DAB1: variants seen among roughly 807,000 people sequenced by gnomAD.
DAB1 encodes disabled homolog 1.
In DAB1, 15 loss-of-function variants were observed where a neutral mutation model predicts 64.6. That is an observed-to-expected ratio of 0.23 (90% CI 0.16 to 0.36). DAB1 has a LOEUF of 0.36. DAB1 is among the 10% of genes least tolerant of loss of function. The pLI is 1.00. For missense variants in DAB1, 596 were observed against 706.7 expected (o/e 0.84, Z 1.78); for synonymous variants, 235 against 251.9 (o/e 0.93, Z 0.64).
At chr1:57,883,533 C>T (rs1644177365) in intron 1 of DAB1, among the ~76,000 whole-genome samples, 1 of 152,196 alleles carries the variant, frequency 6.6e-6, no homozygotes, top group African/African-American at 2.4e-5. Flanking sequence ...CTTTAATCTT[C>T]ATATCTATTG....
At chr1:57,218,417 G>T (rs61765591) in intron 2 of DAB1, among the ~76,000 whole-genome samples, 1 of 147,972 alleles carries the variant, frequency 6.8e-6, no homozygotes, top group Non-Finnish European at 1.5e-5. Flanking sequence ...TTGGTGGCTC[G>T]CATCTGCAAT....
At chr1:57,329,680 A>ACC (rs35546716) in intron 1 of DAB1, among the ~76,000 whole-genome samples, 34 of 141,648 alleles carry the variant, frequency 2.4e-4, no homozygotes, top group African/African-American at 8.7e-4. Context: ...AAAAAAAAAA[A>ACC]CCCACAAAAC....
chr1:58,267,907 T>C lies in DAB1; in HGVS notation n.309+75445A>G, dbSNP rs594099. 9.4e-3 allele frequency among the ~76,000 whole-genome samples: 1,436 copies of C among 152,296 alleles called. 23 individuals carry two copies. Among genetic ancestry groups the C allele is most frequent in the African/African-American group, 0.034 (1,395 of 41,560 alleles). The stretch of plus-strand genomic sequence containing the variant: ...TTTATATCCCCTCAAAACTCCCTAT[T>C]GCAGTCCTTGTCATTCCTGGCTTGT... On this transcript the variant is annotated intron_variant and non_coding_transcript_variant, in intron 4 of 20. Coordinates refer to the DAB1 transcript ENST00000485760.
intron 2 of DAB1, among the ~76,000 whole-genome samples, chr1:57,234,191 G>A (rs1028722611): frequency 7.9e-5 from 12 of 152,140 alleles, no homozygotes; most frequent in East Asian, 7.7e-4. Context: ...AATACTACAC[G>A]AGTGTACTTT....
At position 57,877,553 on chromosome 1, in the gene DAB1, T is replaced by TA. The variant is rs1557532055; in HGVS notation, n.87+6445_87+6446insT. Among the ~76,000 whole-genome samples, 9 of 55,218 alleles carry TA rather than the reference T, an allele frequency of 1.6e-4. 2 individuals are homozygous for TA. The South Asian group carries it at 2.1e-3, about 13-fold the overall frequency. The allele number at this position is 55,218 out of a possible 152,430, so 36.2% of individuals were successfully genotyped here. ...AAAATCCTAATTGATTTATTTTTTT[T>TA]TTTTTTTTTTTTTTTTTTGAGACGG... On this transcript the variant is annotated intron_variant and non_coding_transcript_variant, in intron 1 of 1. Coordinates refer to the DAB1 transcript ENST00000477280.
At chr1:58,022,023 T>A (rs1646822191) in intron 5 of DAB1, among the ~76,000 whole-genome samples, 2 of 152,316 alleles carry the variant, frequency 1.3e-5, no homozygotes, top group Non-Finnish European at 2.9e-5. Flanking sequence ...GAAGGCCTCA[T>A]CTTGATAGAG....
At chr1:57,438,991 A>C (rs76466597) in intron 7 of DAB1, among the ~76,000 whole-genome samples, 17,721 of 152,118 alleles carry the variant, frequency 0.12, 1,115 homozygotes, top group Non-Finnish European at 0.15. Flanking sequence ...TCTGGGTTGG[A>C]GCATGTGACC....
chr1:57,361,949 G>A (rs1679586794), intron 1 of DAB1, among the ~76,000 whole-genome samples: 2 of 152,110 alleles, frequency 1.3e-5, no homozygotes, highest in Admixed American at 1.3e-4. Context: ...AGATAGTATT[G>A]AAGAATTAAT....
intron 7 of DAB1, among the ~76,000 whole-genome samples, chr1:57,437,165 T>C (rs915921855): frequency 2.6e-5 from 4 of 152,150 alleles, no homozygotes; most frequent in Non-Finnish European, 5.9e-5. Context: ...AGGGTAAGAC[T>C]TTCAACTTCT....
rs1456713775 is a variant in DAB1, at chr1:58,343,543, AG to A, written n.258-141del. 6 of 152,282 alleles carry A rather than the reference AG, an allele frequency of 3.9e-5. No homozygotes were observed. The East Asian group carries it at 1.2e-3, about 29-fold the overall frequency. 9.4% of individuals were successfully genotyped at this position (152,282 alleles called of 1,614,324 possible). A position where few individuals can be genotyped will look rare whatever the true frequency, so the allele number is the denominator to read the frequency against. ...CTATAGAGAAAGTTTCAACACAAAT[AG>A]ATGGAAGAGTCAAGTTTGGCTGACA... On this transcript the variant is annotated intron_variant and non_coding_transcript_variant, in intron 3 of 20. Coordinates refer to the DAB1 transcript ENST00000485760.
intron 7 of DAB1, among the ~76,000 whole-genome samples, chr1:57,563,363 C>T (rs917992216): frequency 5.3e-5 from 8 of 152,180 alleles, no homozygotes; most frequent in East Asian, 3.9e-4. Flanking sequence ...CCAGCATGAG[C>T]GACGCAGAAG....
chr1:58,094,082 G>A (rs1001032630), intron 5 of DAB1, among the ~76,000 whole-genome samples: 3 of 152,166 alleles, frequency 2.0e-5, no homozygotes, highest in Non-Finnish European at 4.4e-5. Flanking sequence ...GCAGCTCTGT[G>A]TCCCATGGCT....
intron 1 of DAB1, among the ~76,000 whole-genome samples, chr1:58,534,574 C>A (rs923527717): frequency 1.3e-5 from 2 of 152,176 alleles, no homozygotes; most frequent in African/African-American, 2.4e-5. Context: ...ATCAAAATTT[C>A]ATTCTTTTCG....
At chr1:57,242,475 C>T (rs899024188) in intron 2 of DAB1, among the ~76,000 whole-genome samples, 4 of 152,148 alleles carry the variant, frequency 2.6e-5, no homozygotes, top group South Asian at 2.1e-4. Context: ...GATCATAACA[C>T]GTGGTCGATT....
At chr1:57,345,379 C>T (rs900419039) in intron 1 of DAB1, among the ~76,000 whole-genome samples, 1 of 152,114 alleles carries the variant, frequency 6.6e-6, no homozygotes, top group Non-Finnish European at 1.5e-5. Flanking sequence ...ATAATGATAA[C>T]TGCCTTAGAG....
chr1:58,212,400 A>T (rs1658603517), intron 4 of DAB1, among the ~76,000 whole-genome samples: 1 of 152,214 alleles, frequency 6.6e-6, no homozygotes, highest in Admixed American at 6.5e-5. Context: ...ACACAGTTAG[A>T]GTCGAGTGAG....
At chr1:57,999,996 G>T (rs1646482216) in intron 5 of DAB1, among the ~76,000 whole-genome samples, 2 of 149,300 alleles carry the variant, frequency 1.3e-5, no homozygotes, top group Non-Finnish European at 1.5e-5. Context: ...GAAAAGAGAA[G>T]AAAGAAAGGG....
intron 4 of DAB1, among the ~76,000 whole-genome samples, chr1:58,315,286 G>T (rs1195358212): frequency 6.6e-6 from 1 of 152,166 alleles, no homozygotes; most frequent in African/African-American, 2.4e-5. Context: ...ATCTTTGGCT[G>T]ATTAGAAATA....
intron 7 of DAB1, among the ~76,000 whole-genome samples, chr1:57,473,186 A>G (rs1687202578): frequency 6.6e-6 from 1 of 152,196 alleles, no homozygotes; most frequent in Non-Finnish European, 1.5e-5. Flanking sequence ...CTACTGAAAG[A>G]TAATTCTGGG....
Sources: allele counts gnomAD v4.1 joint callset (sites outside exome capture counted in the v4.1 genomes callset), GRCh38; gene constraint gnomAD v4.1.1; transcripts MANE v1.5; gene names NCBI Gene and HGNC (gene_info 2026-07-23, HGNC 2026-07-21).